Variants in IGF2R observed in about 807,000 individuals in gnomAD.
The protein encoded by IGF2R is cation-independent mannose-6-phosphate receptor.
A neutral mutation model predicts 270.6 loss-of-function variants in IGF2R; 91 were observed. That is an observed-to-expected ratio of 0.34 (90% CI 0.28 to 0.40). The LOEUF is 0.40. Ranked by LOEUF, IGF2R falls within the 10% of genes least tolerant of loss-of-function variation. IGF2R has a pLI of 1.00. For missense variants in IGF2R, 2,805 were observed against 3,188.3 expected, an observed-to-expected ratio of 0.88 and a Z score of 2.90; for synonymous variants, 1,316 against 1,258.9, an observed-to-expected ratio of 1.05 and a Z score of -0.96.
chr6:160,017,928 T>C (rs904549191), intron 4 of IGF2R, among the ~76,000 whole-genome samples: 8 of 152,138 alleles, frequency 5.3e-5, no homozygotes, highest in African/African-American at 1.7e-4. Flanking sequence ...AACACTCTTA[T>C]AAAACAATTA....
At chr6:160,099,646 C>T (rs939116912) in intron 45 of IGF2R, among the ~76,000 whole-genome samples, 1 of 152,280 alleles carries the variant, frequency 6.6e-6, no homozygotes, top group Admixed American at 6.5e-5. Flanking sequence ...GGATTACAGG[C>T]GTGAGCCACC....
intron 2 of IGF2R, among the ~76,000 whole-genome samples, chr6:159,995,280 A>G (rs753503997): frequency 3.9e-4 from 59 of 151,040 alleles, no homozygotes; most frequent in Non-Finnish European, 6.9e-4. Context: ...TTCTATTTGC[A>G]TGGAATATCT....
chr6:159,982,671 A>G (rs1348928935), intron 1 of IGF2R, among the ~76,000 whole-genome samples: 2 of 152,234 alleles, frequency 1.3e-5, no homozygotes, highest in Non-Finnish European at 2.9e-5. Flanking sequence ...AAAATGTTTA[A>G]TAGTTACATG....
chr6:160,020,093 C>T (rs112704264), intron 4 of IGF2R, among the ~76,000 whole-genome samples: 12 of 152,084 alleles, frequency 7.9e-5, no homozygotes, highest in Admixed American at 3.9e-4. Context: ...AGATTTGATA[C>T]GTGAATTCAG....
chr6:159,979,737 A>G (rs887547836), intron 1 of IGF2R, among the ~76,000 whole-genome samples: 2 of 151,906 alleles, frequency 1.3e-5, no homozygotes, highest in Admixed American at 1.3e-4. Context: ...AGAGGCAGCT[A>G]AGGGCCCAGT....
At chr6:160,008,186 G>T (rs1784276283) in intron 2 of IGF2R, among the ~76,000 whole-genome samples, 1 of 152,204 alleles carries the variant, frequency 6.6e-6, no homozygotes, top group Non-Finnish European at 1.5e-5. Flanking sequence ...GGACAAGCTT[G>T]TGTTTAGAGT....
chr6:160,065,915 T>C (rs578011419), intron 29 of IGF2R, among the ~76,000 whole-genome samples: 10 of 148,290 alleles, frequency 6.7e-5, no homozygotes, highest in Non-Finnish European at 1.0e-4. Context: ...CTTGTCTCAC[T>C]GCAACCTCCT....
At chr6:159,999,754 C>T (rs188746958) in intron 2 of IGF2R, among the ~76,000 whole-genome samples, 7 of 152,210 alleles carry the variant, frequency 4.6e-5, no homozygotes, top group Admixed American at 2.0e-4. Flanking sequence ...TTGTCTCTTA[C>T]GAAACAAAGT....
rs763188815 is a variant in IGF2R, at chr6:160,063,448, G to A, written c.3704G>A (p.Gly1235Asp). 3.8e-5 allele frequency: 61 copies of A among 1,612,652 alleles called. 1 individual carries two copies. In the South Asian group the frequency reaches 5.6e-4, roughly 15 times the overall value. Residue 1235 changes from glycine to aspartate, a missense_variant, in exon 27 of 48, where the codon GGC becomes GAC. Physicochemically the swap from Gly to Asp is moderately conservative, Grantham distance 94. Coordinates refer to ENST00000356956, the MANE Select transcript of IGF2R (RefSeq NM_000876.4). ...DNCEVKDPRHGNLYDLKPLGL... is the reference protein window; with the variant it reads ...DNCEVKDPRHDNLYDLKPLGL... The stretch of plus-strand genomic sequence containing the variant: ...TGTGAGGTGAAAGACCCAAGGCATG[G>A]CAACTTGTATGACCTGAAGCCCCTG...
intron 29 of IGF2R, among the ~76,000 whole-genome samples, chr6:160,065,828 A>ATATATATATATATG: frequency 8.4e-6 from 1 of 118,646 alleles, no homozygotes; most frequent in Non-Finnish European, 1.7e-5. Flanking sequence ...ATATATATAT[A>ATATATATATATATG]TATATATATA....
At chr6:160,011,556 T>A in intron 4 of IGF2R, among the ~76,000 whole-genome samples, 1 of 151,658 alleles carries the variant, frequency 6.6e-6, no homozygotes, top group Admixed American at 6.6e-5. Flanking sequence ...ATTTCGTTTT[T>A]TTTTTTTTTT....
chr6:159,994,213 T>A (rs1784019329), intron 2 of IGF2R, among the ~76,000 whole-genome samples: 2 of 152,044 alleles, frequency 1.3e-5, no homozygotes, highest in African/African-American at 4.8e-5. Flanking sequence ...ATGTATCCAT[T>A]TCCTCTAGGT....
intron 1 of IGF2R, among the ~76,000 whole-genome samples, chr6:159,976,746 AT>A (rs1311411675): frequency 1.3e-5 from 2 of 150,302 alleles, no homozygotes; most frequent in African/African-American, 4.9e-5. Flanking sequence ...TTAGATTTTT[AT>A]TTTTTTCAGG....
At chr6:160,058,843 C>G in intron 21 of IGF2R, 63 bp from the exon 22 acceptor site, 1 of 1,428,518 alleles carries the variant, frequency 7.0e-7, no homozygotes. Flanking sequence ...TGCTAGGGTT[C>G]TTGTCTGTGG....
At chr6:160,068,660 A>G (rs1323154534) in intron 30 of IGF2R, among the ~76,000 whole-genome samples, 2 of 145,008 alleles carry the variant, frequency 1.4e-5, no homozygotes, top group African/African-American at 5.2e-5. Context: ...TGGTGGTTGC[A>G]ATGAATGTAT....
intron 35 of IGF2R, among the ~76,000 whole-genome samples, chr6:160,074,467 A>G (rs1461139089): frequency 6.6e-6 from 1 of 152,254 alleles, no homozygotes; most frequent in Non-Finnish European, 1.5e-5. Context: ...TATTTTGTAG[A>G]GATGGGAGTA....
Position 160,047,864 on chromosome 6 carries a change from G to T in IGF2R, c.2302G>T (p.Val768Leu). The stretch of plus-strand genomic sequence containing the variant: ...CTGCCCGGAGGAGCCCCTGGAATGC[G>T]TAGTGACCGACCCCTCCACGCTGGA... ...YACPEEPLEC[V>L]VTDPSTLEQY... is the part of the protein sequence containing the mutation. Residue 768 changes from valine (V) to leucine (L), a missense_variant, in exon 17 of 48, where the codon GTA becomes TTA. By Grantham distance (32) the Val-to-Leu change is conservative (BLOSUM62 1). Around this residue, in one of 2 missense-constraint regions of IGF2R, gnomAD observed 954 missense variants for 981.1 expected, o/e 0.97. Transcript: ENST00000356956. 6.2e-7 allele frequency: 1 copy of T among 1,614,038 alleles called. No homozygotes were observed. The highest frequency in any genetic ancestry group is 1.1e-5 in the South Asian group (1 of 91,082).
At chr6:160,044,942 A>T (rs915542646) in intron 13 of IGF2R, among the ~76,000 whole-genome samples, 1 of 152,216 alleles carries the variant, frequency 6.6e-6, no homozygotes, top group Non-Finnish European at 1.5e-5. Context: ...TCGGCCAGTC[A>T]TGTGGTTACT....
intron 10 of IGF2R, 28 bp downstream of exon 10, chr6:160,034,550 C>T (rs1248765069): frequency 7.1e-7 from 1 of 1,410,026 alleles, no homozygotes; most frequent in Non-Finnish European, 1.0e-6. Context: ...TTCAGCCCCT[C>T]CTCTTTGCAT....
Sources: gnomAD v4.1 joint callset for allele counts (sites outside exome capture counted in the v4.1 genomes callset) on GRCh38, gnomAD v4.1.1 for gene constraint, gnomAD v4.1.1 regional missense constraint, MANE v1.5 for transcripts, NCBI Gene and HGNC (gene_info 2026-07-23, HGNC 2026-07-21) for gene names.